The following DLG2 variants were observed in gnomAD, a reference collection of about 807,000 sequenced individuals.
The protein encoded by DLG2 is disks large homolog 2.
In DLG2, 45 loss-of-function variants were observed where a neutral mutation model predicts 132.5. That is an observed-to-expected ratio of 0.34 (90% CI 0.27 to 0.44). DLG2 has a LOEUF of 0.44. Ranked by LOEUF, DLG2 falls within the 20% of genes least tolerant of loss-of-function variation. The pLI is 1.00. For missense variants in DLG2, 1,045 were observed against 1,196.9 expected, an observed-to-expected ratio of 0.87 and a Z score of 1.87; for synonymous variants, 424 against 419.6, an observed-to-expected ratio of 1.01 and a Z score of -0.13.
chr11:85,269,122 C>A (rs1283944613), intron 4 of DLG2, among the ~76,000 whole-genome samples: 1 of 152,208 alleles, frequency 6.6e-6, no homozygotes, highest in Non-Finnish European at 1.5e-5. Context: ...CAGATGTTTT[C>A]CTTTTCAAGC....
chr11:85,231,719 T>A (rs1349227852), intron 4 of DLG2, among the ~76,000 whole-genome samples: 1 of 151,932 alleles, frequency 6.6e-6, no homozygotes, highest in Non-Finnish European at 1.5e-5. Context: ...TTAAAGACTC[T>A]GTTAGGGGAT....
intron 7 of DLG2, among the ~76,000 whole-genome samples, chr11:84,436,478 A>G (rs1168148592): frequency 1.3e-5 from 2 of 152,180 alleles, no homozygotes; most frequent in Non-Finnish European, 1.5e-5. Flanking sequence ...AAAGCAGTAA[A>G]GATACTGGGC....
intron 7 of DLG2, among the ~76,000 whole-genome samples, chr11:84,532,665 T>G (rs979471954): frequency 7.9e-5 from 12 of 152,216 alleles, no homozygotes; most frequent in African/African-American, 2.6e-4. Context: ...TTGGCTAATT[T>G]GTTAAATTTT....
intron 21 of DLG2, among the ~76,000 whole-genome samples, chr11:83,516,861 C>T (rs2095312344): frequency 6.6e-6 from 1 of 152,244 alleles, no homozygotes. Context: ...GCCCGTCTCT[C>T]TTCTGGCTTG....
At chr11:84,961,457 T>G (rs915897939) in intron 6 of DLG2, among the ~76,000 whole-genome samples, 7 of 151,918 alleles carry the variant, frequency 4.6e-5, no homozygotes, top group Non-Finnish European at 8.8e-5. Flanking sequence ...TGTATCCAAT[T>G]CATTTTTAAT....
chr11:84,477,670 G>C (rs1267677016), intron 7 of DLG2, among the ~76,000 whole-genome samples: 1 of 152,080 alleles, frequency 6.6e-6, no homozygotes, highest in Non-Finnish European at 1.5e-5. Context: ...TTCCACATGA[G>C]AGCCTATTCA....
Position 83,469,189 on chromosome 11 carries a change from T to G in DLG2, c.2619+12A>C. The G allele has an allele frequency of 6.3e-7, 1 of 1,588,498 alleles. No homozygotes were observed. The highest frequency in any genetic ancestry group is 8.6e-7 in the Non-Finnish European group (1 of 1,167,262). On this transcript the variant is annotated intron_variant, in intron 25 of 27. Coordinates refer to ENST00000376104, the MANE Select transcript of DLG2 (RefSeq NM_001142699.3). ...TTCTTCAGGGGAGGTGTAAGAAGAT[T>G]GGTGAACATACTCTTTCTGCTACAA...
rs1216068348 is a variant in DLG2, at chr11:85,521,515, G to T, written c.40+77142C>A. On this transcript the variant is annotated intron_variant, in intron 3 of 27. Transcript: ENST00000376104. Reference sequence around the variant, plus strand: ...ACTAACTGGTGCCACAGAGAGTGGGGTACTGCTATAAAGATATCTGAAAAT... The same window carrying T: ...ACTAACTGGTGCCACAGAGAGTGGGTTACTGCTATAAAGATATCTGAAAAT... 2.0e-5 allele frequency among the ~76,000 whole-genome samples: 3 copies of T among 152,134 alleles called. No individual in the cohort carries two copies. The East Asian group carries it at 5.8e-4, about 29-fold the overall frequency.
intron 6 of DLG2, among the ~76,000 whole-genome samples, chr11:84,669,157 G>T (rs545257902): frequency 5.9e-5 from 9 of 152,188 alleles, no homozygotes; most frequent in South Asian, 4.1e-4. Context: ...GCATGTGCTT[G>T]GTGGTTGGGG....
At chr11:84,953,433 C>T (rs77388013) in intron 6 of DLG2, among the ~76,000 whole-genome samples, 1 of 152,290 alleles carries the variant, frequency 6.6e-6, no homozygotes, top group African/African-American at 2.4e-5. Flanking sequence ...TACTTCCCAT[C>T]CATTCCCCAC....
chr11:84,337,670 A>G (rs1218519675), intron 7 of DLG2, among the ~76,000 whole-genome samples: 1 of 152,174 alleles, frequency 6.6e-6, no homozygotes, highest in South Asian at 2.1e-4. Context: ...TAGGTCTCCC[A>G]TCTCTGATAG....
chr11:84,037,619 T>C (rs2095903560), intron 11 of DLG2, among the ~76,000 whole-genome samples: 1 of 152,088 alleles, frequency 6.6e-6, no homozygotes, highest in Non-Finnish European at 1.5e-5. Context: ...AAAGTCTTCA[T>C]CATTTATGTA....
At chr11:85,413,376 TC>T (rs2089520527) in intron 3 of DLG2, among the ~76,000 whole-genome samples, 1 of 152,140 alleles carries the variant, frequency 6.6e-6, no homozygotes. Context: ...TGCTGACTGT[TC>T]CTTTTGCTGT....
rs182280434 is a variant in DLG2 at position 83,487,299 on chromosome 11, C to A, written c.2194-3071G>T. On this transcript the variant is annotated intron_variant, in intron 21 of 27. Coordinates refer to ENST00000376104, the MANE Select transcript of DLG2 (RefSeq NM_001142699.3). Reference sequence around the variant, plus strand: ...GGAATTTGACCTAAAATGTTGAGTTCTAACTATTAAAGATGATAAAACAAT... The same window carrying A: ...GGAATTTGACCTAAAATGTTGAGTTATAACTATTAAAGATGATAAAACAAT... 2.1e-5 allele frequency among the ~76,000 whole-genome samples: 3 copies of A among 142,016 alleles called. No homozygotes were observed. In the East Asian group the frequency reaches 5.9e-4, roughly 28 times the overall value. 93.2% of individuals were successfully genotyped at this position (142,016 alleles called of 152,430 possible).
chr11:84,782,268 A>G (rs1383660761), intron 6 of DLG2, among the ~76,000 whole-genome samples: 7 of 152,152 alleles, frequency 4.6e-5, no homozygotes, highest in Non-Finnish European at 8.8e-5. Context: ...TTAAATATTT[A>G]TCCAAAATAA....
intron 6 of DLG2, among the ~76,000 whole-genome samples, chr11:84,797,959 A>T (rs1598363011): frequency 6.6e-6 from 1 of 152,188 alleles, no homozygotes; most frequent in African/African-American, 2.4e-5. Context: ...GATAAAATTC[A>T]GAAGAATTCT....
chr11:83,791,226 G>A (rs1414713821), intron 17 of DLG2: 3 of 646,788 alleles, frequency 4.6e-6, no homozygotes, highest in Non-Finnish European at 8.3e-6. Context: ...GAGCTCTCAC[G>A]GCTTTAAAGA....
At chr11:84,980,731 A>T (rs957104793) in intron 6 of DLG2, among the ~76,000 whole-genome samples, 4 of 152,170 alleles carry the variant, frequency 2.6e-5, no homozygotes, top group Non-Finnish European at 5.9e-5. Context: ...CTGGAGATAA[A>T]AGCATCCAAA....
intron 6 of DLG2, among the ~76,000 whole-genome samples, chr11:84,925,618 T>C (rs2092949349): frequency 6.6e-6 from 1 of 152,166 alleles, no homozygotes; most frequent in Admixed American, 6.5e-5. Context: ...GAACAGTATA[T>C]CTGCAAGAAT....
Sources: gnomAD v4.1 joint callset for allele counts (sites outside exome capture counted in the v4.1 genomes callset) on GRCh38, gnomAD v4.1.1 for gene constraint, MANE v1.5 for transcripts, NCBI Gene and HGNC (gene_info 2026-07-23, HGNC 2026-07-21) for gene names.